RBFOX1: variants seen among roughly 807,000 people sequenced by gnomAD.
The protein encoded by RBFOX1 is RNA binding protein fox-1 homolog 1.
RBFOX1 carries 8 observed loss-of-function variants against 57.7 expected under a neutral mutation model. That is an observed-to-expected ratio of 0.14 (90% CI 0.08 to 0.25). RBFOX1 has a LOEUF of 0.25. Among genes scored for constraint, RBFOX1 ranks in the 10% least tolerant of loss-of-function variants. The pLI, the probability that RBFOX1 is intolerant of heterozygous loss-of-function variation, is 1.00. For missense variants in RBFOX1, 611 were observed against 548.5 expected, an observed-to-expected ratio of 1.11 and a Z score of -1.14; for synonymous variants, 326 against 222.4, an observed-to-expected ratio of 1.47 and a Z score of -4.15.
chr16:6,409,106 T>G (rs190159076), intron 2 of RBFOX1, among the ~76,000 whole-genome samples: 88 of 152,318 alleles, frequency 5.8e-4, no homozygotes, highest in African/African-American at 2.1e-3. Context: ...CTTCAAATAC[T>G]AATGTTTTAT....
chr16:5,684,267 G>A (rs948601114), intron 3 of RBFOX1, among the ~76,000 whole-genome samples: 1 of 152,144 alleles, frequency 6.6e-6, no homozygotes, highest in African/African-American at 2.4e-5. Context: ...TTGGCAGACA[G>A]AATCTAACAG....
At position 6,640,739 on chromosome 16, in the gene RBFOX1, C is replaced by T. The variant is rs1420238731; in HGVS notation, c.-63-13864C>T. On this transcript the variant is annotated intron_variant, in intron 2 of 15. Transcript: ENST00000550418. ...GACCCTCTAGAAAGGAATAAAAAAACTCCTTCTGAAGGATACAAGTTCCAG... is the reference window on the plus strand; with the variant it reads ...GACCCTCTAGAAAGGAATAAAAAAATTCCTTCTGAAGGATACAAGTTCCAG... 2.0e-5 allele frequency among the ~76,000 whole-genome samples: 3 copies of T among 152,224 alleles called. No individual in the cohort carries two copies. In the East Asian group the frequency reaches 5.8e-4, roughly 29 times the overall value.
At chr16:7,222,335 G>T (rs186917958) in intron 4 of RBFOX1, among the ~76,000 whole-genome samples, 1 of 152,194 alleles carries the variant, frequency 6.6e-6, no homozygotes, top group Admixed American at 6.5e-5. Context: ...TCTCATGTTG[G>T]CTATATAGGT....
chr16:5,641,458 A>G (rs2048872848), intron 3 of RBFOX1, among the ~76,000 whole-genome samples: 1 of 152,246 alleles, frequency 6.6e-6, no homozygotes, highest in South Asian at 2.1e-4. Context: ...AGTGATGGGA[A>G]GCTGCTTAGG....
chr16:5,982,621 C>T (rs1008149483), intron 4 of RBFOX1, among the ~76,000 whole-genome samples: 12 of 152,164 alleles, frequency 7.9e-5, no homozygotes, highest in African/African-American at 2.9e-4. Context: ...AATGCTCATC[C>T]ATATGGCTCT....
chr16:5,993,086 T>G (rs986314407), intron 4 of RBFOX1, among the ~76,000 whole-genome samples: 1 of 152,176 alleles, frequency 6.6e-6, no homozygotes, highest in Non-Finnish European at 1.5e-5. Context: ...AATCCACAAG[T>G]ACCATCCTGT....
chr16:5,795,398 G>C (rs568295708), intron 3 of RBFOX1, among the ~76,000 whole-genome samples: 1 of 151,882 alleles, frequency 6.6e-6, no homozygotes, highest in Non-Finnish European at 1.5e-5. Flanking sequence ...CAATCTTCTG[G>C]GCTCAAGTGA....
chr16:5,408,186 G>C (rs1296250219), intron 1 of RBFOX1, among the ~76,000 whole-genome samples: 1 of 152,186 alleles, frequency 6.6e-6, no homozygotes, highest in Non-Finnish European at 1.5e-5. Context: ...TGTTCTAAGA[G>C]CCAGGAGGAG....
At chr16:7,062,893 ATTTTTTTTTTTTTTT>A (rs1170936027) in intron 4 of RBFOX1, among the ~76,000 whole-genome samples, 688 of 47,286 alleles carry the variant, frequency 0.015, 7 homozygotes, top group African/African-American at 0.059. Context: ...AATGATCGCC[ATTTTTTTTTTTTTTT>A]TTTTTTTTTT....
At chr16:7,530,714 AG>A (rs1246895159) in intron 5 of RBFOX1, among the ~76,000 whole-genome samples, 1 of 152,160 alleles carries the variant, frequency 6.6e-6, no homozygotes, top group African/African-American at 2.4e-5. Flanking sequence ...GTCAAATTAT[AG>A]CATTTGATGT....
chr16:6,891,874 C>G (rs1424162489), intron 3 of RBFOX1, among the ~76,000 whole-genome samples: 1 of 152,184 alleles, frequency 6.6e-6, no homozygotes, highest in Admixed American at 6.6e-5. Context: ...AAGGCCAGCA[C>G]TGCTTTTAAA....
intron 4 of RBFOX1, among the ~76,000 whole-genome samples, chr16:7,392,589 C>G (rs2098053228): frequency 6.6e-6 from 1 of 152,104 alleles, no homozygotes; most frequent in South Asian, 2.1e-4. Context: ...TTGTGATGGC[C>G]CCTCCTTCTT....
At chr16:5,745,010 T>C (rs2052920612) in intron 3 of RBFOX1, among the ~76,000 whole-genome samples, 1 of 152,174 alleles carries the variant, frequency 6.6e-6, no homozygotes, top group South Asian at 2.1e-4. Context: ...TTGTTACATA[T>C]GTATACGTGT....
rs1050990765 is a variant in RBFOX1 at position 6,388,339 on chromosome 16, A to C, written c.-64+71282A>C. 7.2e-5 allele frequency among the ~76,000 whole-genome samples: 11 copies of C among 152,184 alleles called. No individual in the cohort carries two copies. In the South Asian group the frequency reaches 2.3e-3, roughly 32 times the overall value. ...TGAAGCTGTTTGCAGCCATTTTGGC[A>C]CCATGTGGAGCGTAGGAATGAAACT... is the stretch of plus-strand genomic sequence containing the variant. On this transcript the variant is annotated intron_variant, in intron 2 of 15. Transcript: ENST00000550418.
chr16:7,667,455 G>T (rs548562357), intron 13 of RBFOX1, among the ~76,000 whole-genome samples: 2 of 152,298 alleles, frequency 1.3e-5, no homozygotes, highest in African/African-American at 4.8e-5. Flanking sequence ...TGAGATACCA[G>T]CATGTTCTGA....
intron 3 of RBFOX1, among the ~76,000 whole-genome samples, chr16:7,009,498 T>A (rs571759417): frequency 6.6e-6 from 1 of 152,028 alleles, no homozygotes; most frequent in Admixed American, 6.6e-5. Context: ...AGGAGAAGAT[T>A]AATCAATCCA....
intron 3 of RBFOX1, among the ~76,000 whole-genome samples, chr16:5,857,607 A>C (rs908729294): frequency 6.6e-6 from 1 of 152,176 alleles, no homozygotes; most frequent in Non-Finnish European, 1.5e-5. Flanking sequence ...CAGTACACTG[A>C]GTGAATCCCC....
intron 1 of RBFOX1, among the ~76,000 whole-genome samples, chr16:5,249,419 G>A (rs951714182): frequency 6.6e-6 from 1 of 152,204 alleles, no homozygotes; most frequent in East Asian, 1.9e-4. Flanking sequence ...TTGAAAGCCT[G>A]TCGGCTTAAG....
At chr16:6,224,564 G>C (rs1011951131) in intron 1 of RBFOX1, among the ~76,000 whole-genome samples, 1 of 152,112 alleles carries the variant, frequency 6.6e-6, no homozygotes, top group Non-Finnish European at 1.5e-5. Context: ...ACTGCAGTTG[G>C]TGTTGCTTGT....
Sources: gnomAD v4.1 joint callset for allele counts (sites outside exome capture counted in the v4.1 genomes callset) on GRCh38, gnomAD v4.1.1 for gene constraint, MANE v1.5 for transcripts, NCBI Gene and HGNC (gene_info 2026-07-23, HGNC 2026-07-21) for gene names.